The following GLRB variants were observed in gnomAD, a reference collection of about 807,000 sequenced individuals.
The protein encoded by GLRB is glycine receptor beta, also known as glycine receptor subunit beta.
In GLRB, 33 loss-of-function variants were observed where a neutral mutation model predicts 54.2. That is an observed-to-expected ratio of 0.61 (90% CI 0.46 to 0.81). The LOEUF (loss-of-function observed/expected upper bound fraction) is 0.81. GLRB is among the 40% of genes least tolerant of loss of function. The pLI is 0.00. For missense variants in GLRB, 572 were observed against 584.6 expected (o/e 0.98, Z 0.22); for synonymous variants, 209 against 208.2 (o/e 1.00, Z -0.03).
intron 4 of GLRB, among the ~76,000 whole-genome samples, chr4:157,126,903 CTTTAG>C (rs889235241): frequency 2.5e-4 from 38 of 151,936 alleles, no homozygotes; most frequent in Admixed American, 2.0e-3. Flanking sequence ...TATTTTCTTT[CTTTAG>C]TTTAGGCATC....
chr4:157,120,901 G>C (rs1471749508), intron 3 of GLRB, among the ~76,000 whole-genome samples: 1 of 151,466 alleles, frequency 6.6e-6, no homozygotes, highest in Non-Finnish European at 1.5e-5. Context: ...ATTCAAAAAA[G>C]GATATACTGT....
chr4:157,076,986 G>GAA lies in GLRB; in HGVS notation c.-30+690_-30+691dup, dbSNP rs1194348218. Among the ~76,000 whole-genome samples, 965 of 94,216 alleles carry GAA rather than the reference G, an allele frequency of 0.01. 58 individuals carry two copies. The East Asian group carries it at 0.15, about 14-fold the overall frequency. 61.8% of individuals were successfully genotyped at this position (94,216 alleles called of 152,430 possible). A position where few individuals can be genotyped will look rare whatever the true frequency, so the allele number is the denominator to read the frequency against. On this transcript the variant is annotated intron_variant, in intron 1 of 9. Coordinates refer to ENST00000264428, the MANE Select transcript of GLRB (RefSeq NM_000824.5). The stretch of plus-strand genomic sequence containing the variant: ...GGGAAGAATCCTGGGGGGGGGGGGG[G>GAA]AAGATGAAAAACATGACATAAGGAG...
intron 1 of GLRB, 85 bp from the exon 2 acceptor site, chr4:157,077,911 A>G (rs1001690149): frequency 3.8e-5 from 31 of 805,728 alleles, no homozygotes; most frequent in Non-Finnish European, 5.7e-5. Flanking sequence ...CCCTTTGGGT[A>G]GTAATGCTTA....
chr4:157,127,265 T>A (rs1375044087), intron 4 of GLRB, among the ~76,000 whole-genome samples: 1 of 151,850 alleles, frequency 6.6e-6, no homozygotes, highest in Non-Finnish European at 1.5e-5. Context: ...TAGAATTTAC[T>A]GTAGAATAAT....
At chr4:157,138,461 G>T (rs1035444720) in intron 6 of GLRB, among the ~76,000 whole-genome samples, 1 of 152,100 alleles carries the variant, frequency 6.6e-6, no homozygotes, top group Non-Finnish European at 1.5e-5. Context: ...AAATGTATAC[G>T]TTCAGAAAGC....
rs1180920266 is a variant in GLRB, at chr4:157,082,964, T to TTTTATATATATA, written c.122+4819_122+4820insTTATATATATAT. Among the ~76,000 whole-genome samples, 39 of 139,656 alleles carry TTTTATATATATA rather than the reference T, an allele frequency of 2.8e-4. 1 individual carries two copies. The Middle Eastern group carries it at 0.029, about 104-fold the overall frequency. 91.6% of individuals were successfully genotyped at this position (139,656 alleles called of 152,430 possible). ...AATTATCAGACAAATGAATAGTGTTTTATATATATATATATATATATATAT... is the reference window on the plus strand; with the variant it reads ...AATTATCAGACAAATGAATAGTGTTTTTTATATATATATATATATATATATATATATATATAT... On this transcript the variant is annotated intron_variant, in intron 2 of 9. Coordinates refer to ENST00000264428, the MANE Select transcript of GLRB (RefSeq NM_000824.5).
At chr4:157,124,848 A>G (rs1227259757) in intron 4 of GLRB, among the ~76,000 whole-genome samples, 1 of 151,882 alleles carries the variant, frequency 6.6e-6, no homozygotes, top group Non-Finnish European at 1.5e-5. Flanking sequence ...CATTAAATAG[A>G]TGTAAATATT....
intron 9 of GLRB, among the ~76,000 whole-genome samples, chr4:157,164,147 T>G (rs1737625049): frequency 6.6e-6 from 1 of 152,024 alleles, no homozygotes; most frequent in African/African-American, 2.4e-5. Flanking sequence ...TACCAGTATT[T>G]TTTTTTTTTG....
intron 7 of GLRB, among the ~76,000 whole-genome samples, chr4:157,139,664 G>C (rs1217017224): frequency 6.6e-6 from 1 of 151,784 alleles, no homozygotes; most frequent in Non-Finnish European, 1.5e-5. Context: ...ATTTCACTTA[G>C]CAATATAAAG....
At chr4:157,125,277 A>G (rs907930917) in intron 4 of GLRB, among the ~76,000 whole-genome samples, 4 of 151,918 alleles carry the variant, frequency 2.6e-5, no homozygotes, top group African/African-American at 9.7e-5. Context: ...TTGAGAAAGC[A>G]GAGAGTATTA....
chr4:157,107,019 G>C (rs922599127), intron 2 of GLRB, among the ~76,000 whole-genome samples: 2 of 151,988 alleles, frequency 1.3e-5, no homozygotes, highest in African/African-American at 4.8e-5. Flanking sequence ...TCAATCTTAT[G>C]ATTATTATTG....
intron 2 of GLRB, among the ~76,000 whole-genome samples, chr4:157,078,886 C>T (rs1734133096): frequency 6.6e-6 from 1 of 152,092 alleles, no homozygotes; most frequent in South Asian, 2.1e-4. Context: ...AATTCTCCTG[C>T]CTCAGCCTCC....
chr4:157,105,205 T>A (rs1735179365), intron 2 of GLRB, among the ~76,000 whole-genome samples: 2 of 151,836 alleles, frequency 1.3e-5, no homozygotes, highest in Admixed American at 1.3e-4. Flanking sequence ...TTAGTACTTC[T>A]TTTTTTGCAT....
At position 157,122,480 on chromosome 4, in the gene GLRB, G is replaced by A. The variant is rs969378153; in HGVS notation, c.297+83G>A. The A allele has an allele frequency of 3.6e-4, 204 of 571,712 alleles. No individual in the cohort carries two copies. The African/African-American group carries it at 3.6e-3, about 10-fold the overall frequency. 35.4% of individuals were successfully genotyped at this position (571,712 alleles called of 1,614,324 possible). A position where few individuals can be genotyped will look rare whatever the true frequency, so the allele number is the denominator to read the frequency against. On this transcript the variant is annotated intron_variant, in intron 4 of 9. Transcript: ENST00000264428. ...AGTAACATTAAAATTGAACAATAAG[G>A]AGCAACTCAAATAATCCATGCCCTT...
intron 7 of GLRB, among the ~76,000 whole-genome samples, chr4:157,143,461 A>G (rs1433814458): frequency 6.6e-6 from 1 of 151,962 alleles, no homozygotes; most frequent in Non-Finnish European, 1.5e-5. Flanking sequence ...TGACTCCTTT[A>G]GATCATTGCC....
chr4:157,120,261 T>A (rs1735760535), intron 2 of GLRB, among the ~76,000 whole-genome samples: 6 of 148,184 alleles, frequency 4.0e-5, no homozygotes, highest in Non-Finnish European at 7.5e-5. Context: ...GTGGGATAGC[T>A]TTAGGAGATA....
At position 157,170,813 on chromosome 4, in the gene GLRB, A is replaced by T. The variant is rs1737895361; in HGVS notation, c.*85A>T. On this transcript the variant is annotated 3_prime_UTR_variant, in exon 10 of 10. Coordinates refer to ENST00000264428, the MANE Select transcript of GLRB (RefSeq NM_000824.5). ...AAATGCCAATCTGTGAGAACTTTTGAATTTTCATAGCAACATTGCATTTTG... is the reference window on the plus strand; with the variant it reads ...AAATGCCAATCTGTGAGAACTTTTGTATTTTCATAGCAACATTGCATTTTG... 1.3e-6 allele frequency: 1 copy of T among 749,078 alleles called. No individual in the cohort carries two copies. Among genetic ancestry groups the T allele is most frequent in the African/African-American group, 1.8e-5 (1 of 56,796 alleles). The allele number at this position is 749,078 out of a possible 1,614,324, so 46.4% of individuals were successfully genotyped here.
chr4:157,132,646 A>G (rs544178112), intron 4 of GLRB, among the ~76,000 whole-genome samples: 88 of 151,942 alleles, frequency 5.8e-4, no homozygotes, highest in Non-Finnish European at 1.1e-3. Flanking sequence ...TGACTTGTTT[A>G]ATCATCACTT....
At position 157,143,899 on chromosome 4, in the gene GLRB, G is replaced by A. The variant is rs938103926; in HGVS notation, c.844G>A (p.Val282Ile). The A allele has an allele frequency of 2.5e-6, 4 of 1,613,916 alleles. No individual in the cohort carries two copies. In the African/African-American group the frequency reaches 4.0e-5, roughly 16 times the overall value. Residue 282 changes from valine to isoleucine, a missense_variant, in exon 8 of 10, where the codon GTT becomes ATT. By Grantham distance (29) the Val-to-Ile change is conservative. Transcript: ENST00000264428. ...CTACGCCCCAACTCTGCTCATTGTT[G>A]TTCTCTCCTGGCTTTCCTTCTGGAT... ...GVYAPTLLIVVLSWLSFWINP... is the reference protein window; with the variant it reads ...GVYAPTLLIVILSWLSFWINP...
Sources: allele counts gnomAD v4.1 joint callset (sites outside exome capture counted in the v4.1 genomes callset), GRCh38; gene constraint gnomAD v4.1.1; transcripts MANE v1.5; gene names NCBI Gene and HGNC (gene_info 2026-07-23, HGNC 2026-07-21).